The following MYRFL variants were observed in gnomAD, a reference collection of about 807,000 sequenced individuals.
MYRFL encodes myelin regulatory factor like.
MYRFL carries 88 observed loss-of-function variants against 109.4 expected under a neutral mutation model. That is an observed-to-expected ratio of 0.80 (90% CI 0.68 to 0.96). MYRFL has a LOEUF of 0.96. Among genes scored for constraint, MYRFL ranks in the 40% least tolerant of loss-of-function variants. The pLI is 0.00. For missense variants in MYRFL, 957 were observed against 954.9 expected (o/e 1.00, Z -0.03); for synonymous variants, 324 against 320.9 (o/e 1.01, Z -0.10).
intron 13 of MYRFL, among the ~76,000 whole-genome samples, chr12:69,914,626 CTCTT>C: frequency 6.6e-6 from 1 of 152,214 alleles, no homozygotes; most frequent in East Asian, 1.9e-4. Flanking sequence ...ACAGAATCTT[CTCTT>C]TCTATCAGTT....
At chr12:69,874,579 G>A (rs1043432015) in intron 2 of MYRFL, among the ~76,000 whole-genome samples, 3 of 152,018 alleles carry the variant, frequency 2.0e-5, no homozygotes, top group African/African-American at 7.3e-5. Flanking sequence ...TTTCCATCTA[G>A]AACCATTTCC....
intron 5 of MYRFL, among the ~76,000 whole-genome samples, chr12:69,882,049 C>T (rs568536739): frequency 2.0e-5 from 3 of 152,280 alleles, no homozygotes; most frequent in African/African-American, 7.2e-5. Flanking sequence ...CTCAAATTGT[C>T]CTGGCCATCC....
At chr12:69,834,544 G>A (rs1882823129) in intron 1 of MYRFL, among the ~76,000 whole-genome samples, 1 of 152,180 alleles carries the variant, frequency 6.6e-6, no homozygotes, top group Non-Finnish European at 1.5e-5. Flanking sequence ...TCTTACGGTT[G>A]TGAAGATTAA....
At chr12:69,927,866 C>T (rs1955146046) in intron 15 of MYRFL, 118 bp downstream of exon 15, 2 of 881,732 alleles carry the variant, frequency 2.3e-6, no homozygotes, top group Admixed American at 2.6e-5. Context: ...AGTTTGCATC[C>T]TTATGTACTA....
intron 2 of MYRFL, among the ~76,000 whole-genome samples, chr12:69,861,638 C>G (rs1360140196): frequency 6.6e-6 from 1 of 152,022 alleles, no homozygotes; most frequent in Non-Finnish European, 1.5e-5. Flanking sequence ...ATTGTAGATT[C>G]TGGATATTAG....
chr12:69,886,791 A>G (rs1886481158), intron 5 of MYRFL, 29 bp from the exon 6 acceptor site: 1 of 1,534,652 alleles, frequency 6.5e-7, no homozygotes, highest in African/African-American at 1.4e-5. Context: ...GCCTGGAAGG[A>G]AGGCTCTGAC....
In MYRFL at chr12:69,903,693, G is replaced by A. The variant is rs1173049422; in HGVS notation, c.1232G>A (p.Arg411Gln). ...FENDSDALWQ[R>Q]GQVPESIVCH... ...AATGACAGTGATGCATTGTGGCAGC[G>A]AGGACAAGTTCCAGAATCTATTGTC... Residue 411 changes from arginine to glutamine, a missense_variant, in exon 11 of 25, where the codon CGA (arginine) becomes CAA (glutamine). By Grantham distance (43) the Arg-to-Gln change is conservative. Transcript: ENST00000552032. The A allele has an allele frequency of 1.1e-5, 17 of 1,535,708 alleles. No homozygotes were observed. The highest frequency in any genetic ancestry group is 3.6e-5 in the South Asian group (3 of 84,054).
intron 1 of MYRFL, among the ~76,000 whole-genome samples, chr12:69,842,637 C>T (rs1883310374): frequency 6.6e-6 from 1 of 152,198 alleles, no homozygotes; most frequent in South Asian, 2.1e-4. Flanking sequence ...CTTCACCTGC[C>T]TCCTGGCTGT....
At chr12:69,939,104 G>A (rs540801095) in intron 19 of MYRFL, among the ~76,000 whole-genome samples, 8 of 152,306 alleles carry the variant, frequency 5.3e-5, no homozygotes, top group East Asian at 1.9e-4. Flanking sequence ...AGGCGGCAGC[G>A]AGGCTGGGGG....
chr12:69,891,637 T>TTCTCTTTCTTTCTTTC lies in MYRFL; in HGVS notation c.903+472_903+473insCTCTTTCTTTCTTTCT. On this transcript the variant is annotated intron_variant, in intron 7 of 24. Transcript: ENST00000552032. The stretch of plus-strand genomic sequence containing the variant: ...TTTCTTTCTTTCCTCCTTCCTTTCT[T>TTCTCTTTCTTTCTTTC]TTTCTTTCTTTCTTTCTTTCTTTCT... Among the ~76,000 whole-genome samples, 56 of 53,828 alleles carry TTCTCTTTCTTTCTTTC rather than the reference T, an allele frequency of 1.0e-3. 3 individuals carry two copies. Among genetic ancestry groups the TTCTCTTTCTTTCTTTC allele is most frequent in the South Asian group, 8.6e-3 (13 of 1,520 alleles). The allele number at this position is 53,828 out of a possible 152,430, so 35.3% of individuals were successfully genotyped here. A position where few individuals can be genotyped will look rare whatever the true frequency, so the allele number is the denominator to read the frequency against.
chr12:69,827,861 A>T (rs548305007), intron 1 of MYRFL, among the ~76,000 whole-genome samples: 13 of 152,102 alleles, frequency 8.5e-5, no homozygotes, highest in Non-Finnish European at 1.2e-4. Context: ...GAAAACAGTT[A>T]ATATATTTCC....
intron 1 of MYRFL, among the ~76,000 whole-genome samples, chr12:69,830,485 A>G (rs547886684): frequency 4.0e-5 from 6 of 149,586 alleles, no homozygotes; most frequent in Non-Finnish European, 5.9e-5. Context: ...AGAGATATCT[A>G]TATATATATA....
At chr12:69,866,728 G>A (rs1441857476) in intron 2 of MYRFL, among the ~76,000 whole-genome samples, 2 of 152,142 alleles carry the variant, frequency 1.3e-5, no homozygotes, top group African/African-American at 4.8e-5. Flanking sequence ...AATCTCATAG[G>A]CAGATTTTCA....
intron 2 of MYRFL, among the ~76,000 whole-genome samples, chr12:69,861,520 G>A (rs968310409): frequency 6.6e-6 from 1 of 152,096 alleles, no homozygotes; most frequent in African/African-American, 2.4e-5. Flanking sequence ...ATTTTTTCAT[G>A]TGTGTTTTGG....
In MYRFL at chr12:69,936,132, C is replaced by A; in HGVS notation, c.1936C>A (p.Leu646Ile). 1.5e-6 allele frequency: 2 copies of A among 1,334,576 alleles called. No individual in the cohort carries two copies. The highest frequency in any genetic ancestry group is 2.0e-6 in the Non-Finnish European group (2 of 992,764). 82.7% of individuals were successfully genotyped at this position (1,334,576 alleles called of 1,614,324 possible). ...TGACAGTGCTTTGACGATAGTTGCC[C>A]TCTATATACTTAGCTTAAAAGATCA... Reference protein sequence around the residue: ...MAFCALTIVALYILSLKDQDR... With the variant: ...MAFCALTIVAIYILSLKDQDR... The change falls in exon 17 of 25, where the codon CTC becomes ATC. Residue 646 changes from leucine (L) to isoleucine (I), a missense_variant. Physicochemically the swap from Leu to Ile is conservative, Grantham distance 5 (BLOSUM62 2). Coordinates refer to ENST00000552032, the MANE Select transcript of MYRFL (RefSeq NM_182530.3).
intron 14 of MYRFL, 83 bp downstream of exon 14, chr12:69,926,817 T>C (rs1955100700): frequency 8.3e-7 from 1 of 1,206,176 alleles, no homozygotes; most frequent in African/African-American, 1.6e-5. Context: ...CTAAATGGTC[T>C]TTTTGATCAA....
chr12:69,957,704 A>C, intron 22 of MYRFL, 118 bp from the exon 23 acceptor site: 1 of 1,266,954 alleles, frequency 7.9e-7, no homozygotes, highest in Non-Finnish European at 1.0e-6. Context: ...GCCTATTGTG[A>C]ACTTTGAATG....
chr12:69,921,010 T>C (rs1954894629), intron 13 of MYRFL, among the ~76,000 whole-genome samples: 1 of 152,192 alleles, frequency 6.6e-6, no homozygotes, highest in Non-Finnish European at 1.5e-5. Flanking sequence ...GGTGGCAAGC[T>C]GGTTTAATCA....
chr12:69,904,053 C>T (rs890373043), intron 11 of MYRFL: 8 of 469,802 alleles, frequency 1.7e-5, no homozygotes, highest in African/African-American at 1.2e-4. Flanking sequence ...ATGGATTTAC[C>T]TGACAGGAGC....
Sources: allele counts gnomAD v4.1 joint callset (sites outside exome capture counted in the v4.1 genomes callset), GRCh38; gene constraint gnomAD v4.1.1; transcripts MANE v1.5; gene names NCBI Gene and HGNC (gene_info 2026-07-23, HGNC 2026-07-21).